CCDC88B: variants seen among roughly 807,000 people sequenced by gnomAD.
CCDC88B encodes coiled-coil domain-containing protein 88B.
In CCDC88B, 138 loss-of-function variants were observed where a neutral mutation model predicts 183.7. The ratio of observed to expected loss-of-function variants is 0.75; its 90% confidence interval spans 0.65 to 0.87. The LOEUF (loss-of-function observed/expected upper bound fraction) is 0.87, where lower values mean the gene tolerates loss of function less well. Ranked by LOEUF, CCDC88B falls within the 40% of genes least tolerant of loss-of-function variation. CCDC88B has a pLI of 0.00. For synonymous variants in CCDC88B, 835 were observed against 867.5 expected (o/e 0.96, Z 0.66); for missense variants, 1,822 against 1,965.6 (o/e 0.93, Z 1.38).
chr11:64,340,512 G>A, intron 1 of CCDC88B, 95 bp from the exon 2 acceptor site: 1 of 1,516,282 alleles, frequency 6.6e-7, no homozygotes, highest in Non-Finnish European at 8.8e-7. Context: ...GCACTCAGAG[G>A]ACGGGTGAGA....
rs150939638 is a variant in CCDC88B at position 64,344,608 on chromosome 11, G to A, written c.2067G>A (p.Thr689=). The part of the protein sequence containing the change: ...AREHDQRLEG[T]VRDPAWQKPQ... ...AGCATGACCAGAGGCTGGAAGGGAC[G>A]GTCAGGGACCCAGCCTGGCAAAAAC... is the stretch of plus-strand genomic sequence containing the variant. Residue 689 remains threonine, a synonymous_variant, in exon 14 of 27, where the codon ACG becomes ACA. Transcript: ENST00000356786. This position sits in a 1 kb window ranked among gnomAD's most constrained non-coding sequence, Gnocchi z 4.5. The A allele has an allele frequency of 6.7e-5, 108 of 1,611,888 alleles. No individual in the cohort carries two copies. The highest frequency in any genetic ancestry group is 2.7e-5 in the African/African-American group (2 of 74,854).
chr11:64,357,192 C>T lies in CCDC88B; in HGVS notation c.*98C>T, dbSNP rs2135317126. On this transcript the variant is annotated 3_prime_UTR_variant, in exon 27 of 27. Transcript: ENST00000356786. ...CAAGAGCTCAGGGAGCCAGGGACCC[C>T]AAGGGGAGTCCTTGGACAAGGAGGC... 7.0e-7 allele frequency: 1 copy of T among 1,426,300 alleles called. No individual in the cohort carries two copies. The highest frequency in any genetic ancestry group is 9.9e-7 in the Non-Finnish European group (1 of 1,010,214). 88.4% of individuals were successfully genotyped at this position (1,426,300 alleles called of 1,614,324 possible).
chr11:64,349,237 G>T, intron 14 of CCDC88B, 94 bp from the exon 15 acceptor site: 1 of 1,431,974 alleles, frequency 7.0e-7, no homozygotes, highest in Non-Finnish European at 9.3e-7. Flanking sequence ...AGGATGGCAG[G>T]TCAAGGACAG....
intron 26 of CCDC88B, chr11:64,355,905 G>T: frequency 3.0e-6 from 1 of 338,502 alleles, no homozygotes; most frequent in Non-Finnish European, 5.4e-6. Context: ...CAGAAAAAGT[G>T]AAAAGAGACA....
At chr11:64,351,687 G>A (rs1240620105) in intron 18 of CCDC88B, 71 bp downstream of exon 18, 4 of 1,447,526 alleles carry the variant, frequency 2.8e-6, no homozygotes, top group African/African-American at 1.4e-5. Context: ...ATCATCCTGT[G>A]GCCTTTTTCT....
chr11:64,344,531 G>A lies in CCDC88B; in HGVS notation c.1990G>A (p.Glu664Lys). 6.2e-7 allele frequency: 1 copy of A among 1,605,686 alleles called. No homozygotes were observed. Among genetic ancestry groups the A allele is most frequent in the Non-Finnish European group, 8.5e-7 (1 of 1,176,030 alleles). Reference protein sequence around the residue: ...EPSSVQLEEQEGPNQGLDLAT... With the variant: ...EPSSVQLEEQKGPNQGLDLAT... ...CAGCTCTGTGCAGCTGGAGGAGCAG[G>A]AGGGCCCAAACCAGGGCCTGGACCT... Residue 664 changes from glutamate to lysine, a missense_variant, in exon 14 of 27, where the codon GAG becomes AAG. Transcript: ENST00000356786. This position sits in a 1 kb window ranked among gnomAD's most constrained non-coding sequence, Gnocchi z 4.5.
intron 1 of CCDC88B, 113 bp from the exon 2 acceptor site, chr11:64,340,494 G>A (rs1404666306): frequency 2.0e-6 from 3 of 1,484,508 alleles, no homozygotes; most frequent in African/African-American, 1.4e-5. Flanking sequence ...AGGGAAGAGG[G>A]GACAGAGGCA....
intron 1 of CCDC88B, 82 bp from the exon 2 acceptor site, chr11:64,340,525 G>A: frequency 2.6e-6 from 4 of 1,537,314 alleles, no homozygotes; most frequent in East Asian, 4.5e-5. Flanking sequence ...GGGTGAGAAG[G>A]GGTGCTTGGG....
chr11:64,341,208 C>T, intron 4 of CCDC88B, 30 bp downstream of exon 4: 1 of 1,614,104 alleles, frequency 6.2e-7, no homozygotes, highest in Non-Finnish European at 8.5e-7. Context: ...CCTCCTGCCT[C>T]TGCCCCCGCA....
Position 64,357,237 on chromosome 11 carries a change from A to G in CCDC88B, c.*143A>G, listed in dbSNP as rs1157616320. On this transcript the variant is annotated 3_prime_UTR_variant, in exon 27 of 27. Transcript: ENST00000356786. ...GGAGGCCTGGGCCCTGAGATCCTCC[A>G]CGGTCAGCGCCGGGGCCCGGAGATG... The G allele has an allele frequency of 6.8e-6, 7 of 1,022,014 alleles. No homozygotes were observed. The highest frequency in any genetic ancestry group is 5.2e-5 in the South Asian group (4 of 77,124). The allele number at this position is 1,022,014 out of a possible 1,614,324, so 63.3% of individuals were successfully genotyped here.
In CCDC88B at chr11:64,340,735, C is replaced by A; in HGVS notation, c.189C>A (p.Leu63=). The change falls in exon 2 of 27, where the codon CTC becomes CTA. Residue 63 remains leucine, a synonymous_variant. Transcript: ENST00000356786. ...FLRLSDGALL[L]RVLGIIAPSS... is the part of the protein sequence containing the mutation. ...GCCTCAGCGATGGGGCCCTGCTCCTCCGGGTGCTGGGCATCATGTAAGGGG... is the reference window on the plus strand; with the variant it reads ...GCCTCAGCGATGGGGCCCTGCTCCTACGGGTGCTGGGCATCATGTAAGGGG... The A allele has an allele frequency of 6.2e-7, 1 of 1,611,158 alleles. No individual in the cohort carries two copies. The highest frequency in any genetic ancestry group is 1.3e-5 in the African/African-American group (1 of 74,964).
In CCDC88B at chr11:64,351,377, G is replaced by C. The variant is rs7950922; in HGVS notation, c.2959-99G>C. The C allele has an allele frequency of 0.021, 32,140 of 1,527,168 alleles. 3,548 individuals carry two copies. The African/African-American group carries it at 0.29, about 14-fold the overall frequency. 94.6% of individuals were successfully genotyped at this position (1,527,168 alleles called of 1,614,324 possible). On this transcript the variant is annotated intron_variant, in intron 17 of 26. Transcript: ENST00000356786. ...GTGAGTGTGGACTCACAGTGGGCCC[G>C]GGGGTGGGGGTGCCCCATGCAGTGT...
In CCDC88B at chr11:64,344,906, G is replaced by T; in HGVS notation, c.2365G>T (p.Glu789Ter). The T allele has an allele frequency of 6.3e-7, 1 of 1,582,486 alleles. No homozygotes were observed. Among genetic ancestry groups the T allele is most frequent in the Non-Finnish European group, 8.6e-7 (1 of 1,164,154 alleles). The change falls in exon 14 of 27, where the codon GAG becomes TAG. Residue 789 changes from glutamate to a stop codon, truncating the protein, a stop_gained. Transcript: ENST00000356786. LOFTEE classifies it high-confidence loss of function. The surrounding 1 kb of genome is among the most constrained non-coding windows in gnomAD (Gnocchi z 4.5). ...CCGGGAGGCAGAGGCCCAGGCCTGG[G>T]AGCAAGCCCGGCTGCGGGAGGCAGT... ...AHREAEAQAWEQARLREAVEA... is the reference protein window; with the variant it reads ...AHREAEAQAW
chr11:64,340,604 C>T lies in CCDC88B; in HGVS notation c.61-3C>T. On this transcript the variant is annotated splice_region_variant and splice_polypyrimidine_tract_variant and intron_variant, in intron 1 of 26. Coordinates refer to ENST00000356786, the MANE Select transcript of CCDC88B (RefSeq NM_032251.6). The stretch of plus-strand genomic sequence containing the variant: ...TCGGCTGACCCCTCTGGGCTCCTCA[C>T]AGGCGCTGGGACTGGCCGGGCTGGT... 1 of 1,607,144 alleles carries T rather than the reference C, an allele frequency of 6.2e-7. No individual in the cohort carries two copies. The highest frequency in any genetic ancestry group is 1.3e-5 in the African/African-American group (1 of 74,932).
At chr11:64,343,939 G>T in intron 13 of CCDC88B, 25 bp downstream of exon 13, 1 of 1,579,028 alleles carries the variant, frequency 6.3e-7, no homozygotes. Context: ...CCAGGGTCCT[G>T]GCCGGCCCTT....
intron 14 of CCDC88B, chr11:64,348,759 C>T: frequency 2.0e-6 from 1 of 509,270 alleles, no homozygotes; most frequent in Non-Finnish European, 3.5e-6. Context: ...CTGGGGCACA[C>T]AGGCCAGAAT....
intron 14 of CCDC88B, chr11:64,348,881 T>C (rs1358806681): frequency 3.6e-6 from 2 of 554,776 alleles, no homozygotes; most frequent in Admixed American, 5.0e-5. Context: ...TGTCAGCTCC[T>C]GACTTCCTGT....
chr11:64,349,524 G>GGGGGGGGGGGGGGGGGC, intron 15 of CCDC88B, 27 bp from the exon 16 acceptor site: 1 of 1,498,170 alleles, frequency 6.7e-7, no homozygotes. Context: ...GTGGGGTGGG[G>GGGGGGGGGGGGGGGGGC]CTGGGTGCTA....
chr11:64,341,576 G>A (rs1244874547), intron 6 of CCDC88B, 23 bp from the exon 7 acceptor site: 3 of 1,606,616 alleles, frequency 1.9e-6, no homozygotes, highest in African/African-American at 2.7e-5. Flanking sequence ...GGCTTCCACT[G>A]AACTGCTCTT....
Sources: gnomAD v4.1 joint callset for allele counts on GRCh38, gnomAD v4.1.1 for gene constraint, Gnocchi (gnomAD v3.1) non-coding constraint, MANE v1.5 for transcripts, NCBI Gene and HGNC (gene_info 2026-07-23, HGNC 2026-07-21) for gene names.